Variants in ZC3H6 observed in about 807,000 individuals in gnomAD.
ZC3H6 encodes zinc finger CCCH domain-containing protein 6.
A neutral mutation model predicts 107.7 loss-of-function variants in ZC3H6; 40 were observed. That is an observed-to-expected ratio of 0.37 (90% confidence interval 0.29 to 0.48). The LOEUF is 0.48. Among genes scored for constraint, ZC3H6 ranks in the 20% least tolerant of loss-of-function variants. ZC3H6 has a pLI of 0.98. For missense variants in ZC3H6, 1,267 were observed against 1,410.4 expected (o/e 0.90, Z 1.63); for synonymous variants, 493 against 487.9 (o/e 1.01, Z -0.14).
At chr2:112,324,731 T>C in intron 10 of ZC3H6, 68 bp downstream of exon 10, 3 of 1,397,480 alleles carry the variant, frequency 2.1e-6, no homozygotes, top group Non-Finnish European at 2.9e-6. Flanking sequence ...ATTAAAAGCA[T>C]GACAGAAACG....
At chr2:112,322,552 T>C (rs1676823961) in intron 8 of ZC3H6, 97 bp from the exon 9 acceptor site, 2 of 1,337,364 alleles carry the variant, frequency 1.5e-6, no homozygotes, top group Non-Finnish European at 1.0e-6. Context: ...ATTTCAACTT[T>C]AATATTATTT....
chr2:112,291,906 T>G (rs1676126509), intron 1 of ZC3H6, among the ~76,000 whole-genome samples: 1 of 151,428 alleles, frequency 6.6e-6, no homozygotes, highest in African/African-American at 2.4e-5. Context: ...TTAGTAGAGA[T>G]AGGGGTTCAC....
intron 1 of ZC3H6, among the ~76,000 whole-genome samples, chr2:112,297,669 T>C (rs1282165143): frequency 1.3e-5 from 2 of 152,238 alleles, no homozygotes; most frequent in South Asian, 2.1e-4. Flanking sequence ...AAGATACTAG[T>C]ATTTGGAAAG....
chr2:112,292,289 T>C (rs1337610352), intron 1 of ZC3H6, among the ~76,000 whole-genome samples: 1 of 152,250 alleles, frequency 6.6e-6, no homozygotes, highest in East Asian at 1.9e-4. Context: ...TTCACTGCTA[T>C]ATGGCTTATT....
At chr2:112,307,671 G>A (rs943123507) in intron 3 of ZC3H6, among the ~76,000 whole-genome samples, 6 of 152,034 alleles carry the variant, frequency 3.9e-5, no homozygotes, top group African/African-American at 9.7e-5. Flanking sequence ...CTCATACAAC[G>A]TGGTGTGAAT....
At chr2:112,276,493 T>G (rs1003328318) in intron 1 of ZC3H6, among the ~76,000 whole-genome samples, 1 of 152,164 alleles carries the variant, frequency 6.6e-6, no homozygotes, top group Admixed American at 6.5e-5. Flanking sequence ...AGGGAAGTTT[T>G]AAGCAGCACC....
intron 1 of ZC3H6, among the ~76,000 whole-genome samples, chr2:112,278,336 G>T (rs1379545655): frequency 1.3e-5 from 2 of 152,056 alleles, no homozygotes; most frequent in Admixed American, 1.3e-4. Context: ...TTATTTTTTT[G>T]AGACGGAGTC....
chr2:112,306,036 C>T (rs1228738187), intron 3 of ZC3H6, among the ~76,000 whole-genome samples: 1 of 152,152 alleles, frequency 6.6e-6, no homozygotes, highest in Non-Finnish European at 1.5e-5. Context: ...AAGTATTTTT[C>T]ATACGTAGAA....
intron 11 of ZC3H6, among the ~76,000 whole-genome samples, 193 bp from the exon 12 acceptor site, chr2:112,330,812 G>T (rs987660348): frequency 1.3e-5 from 2 of 151,766 alleles, no homozygotes; most frequent in Non-Finnish European, 2.9e-5. Flanking sequence ...TTGAAATCTG[G>T]CATTTTTGTT....
At chr2:112,298,165 T>TTA (rs1318336258) in intron 1 of ZC3H6, among the ~76,000 whole-genome samples, 3 of 152,198 alleles carry the variant, frequency 2.0e-5, no homozygotes, top group African/African-American at 7.2e-5. Flanking sequence ...AAAAAATTTA[T>TTA]TTTTTTCAGA....
chr2:112,331,134 C>G lies in ZC3H6; in HGVS notation c.2216C>G (p.Thr739Ser), dbSNP rs1330040821. ...CAACAACCTTCCACAGAACTCAGCA[C>G]TCCTACTGATCCAAGACTTGCTAAA... ...NQQQPSTELSTPTDPRLAKEK... is the reference protein window; with the variant it reads ...NQQQPSTELSSPTDPRLAKEK... Residue 739 changes from threonine (T) to serine (S), a missense_variant, in exon 12 of 12, where the codon ACT becomes AGT. Thr to Ser is a moderately conservative substitution (Grantham distance 58). This residue lies in a region of ZC3H6 where 925 missense variants were observed against 1,025.7 expected (regional missense o/e 0.90). Transcript: ENST00000409871. 5 of 1,613,666 alleles carry G rather than the reference C, an allele frequency of 3.1e-6. No individual in the cohort carries two copies. Among genetic ancestry groups the G allele is most frequent in the Non-Finnish European group, 4.2e-6 (5 of 1,179,754 alleles).
intron 1 of ZC3H6, among the ~76,000 whole-genome samples, chr2:112,295,715 G>A (rs1200822376): frequency 6.6e-6 from 1 of 151,968 alleles, no homozygotes; most frequent in Non-Finnish European, 1.5e-5. Context: ...GTTTAAATCT[G>A]CTATTATATG....
At chr2:112,317,156 G>A in intron 6 of ZC3H6, 65 bp from the exon 7 acceptor site, 1 of 877,874 alleles carries the variant, frequency 1.1e-6, no homozygotes, top group Non-Finnish European at 1.6e-6. Context: ...TTCAGCTGTT[G>A]TTTCTTTGTT....
At chr2:112,325,749 G>T (rs1457427652) in intron 11 of ZC3H6, among the ~76,000 whole-genome samples, 1 of 151,906 alleles carries the variant, frequency 6.6e-6, no homozygotes, top group Non-Finnish European at 1.5e-5. Context: ...ATTTCAAAAT[G>T]ATTCAGTTAT....
rs1676876811 is a variant in ZC3H6, at chr2:112,324,802, T to C, written c.1852+139T>C. The stretch of plus-strand genomic sequence containing the variant: ...TTGAAACCTTAAAATGTTTTCAGTT[T>C]GCCAAACTTTTGAAACAATAGAATT... On this transcript the variant is annotated intron_variant, in intron 10 of 11. Transcript: ENST00000409871. The C allele has an allele frequency of 7.7e-6, 9 of 1,169,082 alleles. No individual in the cohort carries two copies. In the South Asian group the frequency reaches 1.5e-4, roughly 20 times the overall value. The allele number at this position is 1,169,082 out of a possible 1,614,324, so 72.4% of individuals were successfully genotyped here. A position where few individuals can be genotyped will look rare whatever the true frequency, so the allele number is the denominator to read the frequency against.
chr2:112,294,291 G>T (rs934154318), intron 1 of ZC3H6, among the ~76,000 whole-genome samples: 2 of 152,182 alleles, frequency 1.3e-5, no homozygotes, highest in South Asian at 4.1e-4. Flanking sequence ...AGAAACGACC[G>T]TGTGAATTAG....
At chr2:112,313,718 AGTTCAT>A (rs1257527942) in intron 5 of ZC3H6, among the ~76,000 whole-genome samples, 2 of 152,210 alleles carry the variant, frequency 1.3e-5, no homozygotes, top group Non-Finnish European at 2.9e-5. Flanking sequence ...CCACGGAAGC[AGTTCAT>A]GTTCAGGAAT....
In ZC3H6 at chr2:112,333,457, C is replaced by T. The variant is rs1388903867; in HGVS notation, c.*969C>T. On this transcript the variant is annotated 3_prime_UTR_variant, in exon 12 of 12. Transcript: ENST00000409871. ...AGAAAATACAGATTGCTAGTATAGT[C>T]AACAGTATTTGGCTATCAATAAAGA... The T allele has an allele frequency of 6.6e-6, 1 of 152,394 alleles. No homozygotes were observed. The highest frequency in any genetic ancestry group is 1.5e-5 in the Non-Finnish European group (1 of 67,968). The allele number at this position is 152,394 out of a possible 1,614,324, so 9.4% of individuals were successfully genotyped here. A position where few individuals can be genotyped will look rare whatever the true frequency, so the allele number is the denominator to read the frequency against.
In ZC3H6 at chr2:112,332,914, G is replaced by A. The variant is rs1222868838; in HGVS notation, c.*426G>A. 6.5e-6 allele frequency: 1 copy of A among 154,176 alleles called. No homozygotes were observed. The highest frequency in any genetic ancestry group is 6.5e-5 in the Admixed American group (1 of 15,476). 9.6% of individuals were successfully genotyped at this position (154,176 alleles called of 1,614,324 possible). ...AGGACCTCTCTTATTTGTCAGCACA[G>A]AACTGATTAATATGTAATGCTACCT... is the stretch of plus-strand genomic sequence containing the variant. On this transcript the variant is annotated 3_prime_UTR_variant, in exon 12 of 12. Transcript: ENST00000409871.
Sources: gnomAD v4.1 joint callset for allele counts (sites outside exome capture counted in the v4.1 genomes callset) on GRCh38, gnomAD v4.1.1 for gene constraint, gnomAD v4.1.1 regional missense constraint, MANE v1.5 for transcripts, NCBI Gene and HGNC (gene_info 2026-07-23, HGNC 2026-07-21) for gene names.